DGKD: variants seen among roughly 807,000 people sequenced by gnomAD.
DGKD encodes DAG kinase delta.
Under a neutral mutation model 154.4 loss-of-function variants are expected in DGKD, and 68 were observed. The ratio of observed to expected loss-of-function variants is 0.44; its 90% CI spans 0.36 to 0.54. The LOEUF is 0.54. Among genes scored for constraint, DGKD ranks in the 20% least tolerant of loss-of-function variants. The pLI, the probability that DGKD is intolerant of heterozygous loss-of-function variation, is 0.00. For synonymous variants in DGKD, 693 were observed against 638.0 expected (o/e 1.09, Z -1.30); for missense variants, 1,343 against 1,593.6 (o/e 0.84, Z 2.68).
At chr2:233,371,404 T>C (rs1574989723) in intron 1 of DGKD, among the ~76,000 whole-genome samples, 1 of 152,176 alleles carries the variant, frequency 6.6e-6, no homozygotes, top group African/African-American at 2.4e-5. Flanking sequence ...CTTCTTGTTG[T>C]TGAATTGTAA....
In DGKD at chr2:233,457,422, G is replaced by C; in HGVS notation, c.2580+94G>C. The C allele has an allele frequency of 1.0e-6, 1 of 957,990 alleles. No individual in the cohort carries two copies. The highest frequency in any genetic ancestry group is 1.3e-5 in the South Asian group (1 of 77,000). 59.3% of individuals were successfully genotyped at this position (957,990 alleles called of 1,614,324 possible). On this transcript the variant is annotated intron_variant, in intron 21 of 29. Coordinates refer to ENST00000264057, the MANE Select transcript of DGKD (RefSeq NM_152879.3). The surrounding 1 kb of genome is among the most constrained non-coding windows in gnomAD (Gnocchi z 5.5). ...TTCTGCTGTGGCTGGGGTGGATCCA[G>C]CTCTTCTGTTGTGCCAGCAGTGGGG...
At chr2:233,460,127 A>G (rs1011707589) in intron 23 of DGKD, 67 bp from the exon 24 acceptor site, 66 of 1,581,326 alleles carry the variant, frequency 4.2e-5, no homozygotes, top group African/African-American at 8.1e-5. Flanking sequence ...TGGCATCCCC[A>G]TAGTGTCTGT....
rs1299973207 is a variant in DGKD, at chr2:233,438,779, T to A, written c.1085+400T>A. ...TCATCTATCTATCTATCTATCTATC[T>A]ATCTATCTATCTATCTATCTATCTA... On this transcript the variant is annotated intron_variant, in intron 9 of 29. Coordinates refer to ENST00000264057, the MANE Select transcript of DGKD (RefSeq NM_152879.3). The surrounding 1 kb of genome is among the most constrained non-coding windows in gnomAD (Gnocchi z 4.1). Among the ~76,000 whole-genome samples the A allele has an allele frequency of 8.3e-6, 1 of 119,990 alleles. No individual in the cohort carries two copies. Among genetic ancestry groups the A allele is most frequent in the African/African-American group, 3.4e-5 (1 of 29,048 alleles). The allele number at this position is 119,990 out of a possible 152,430, so 78.7% of individuals were successfully genotyped here.
At chr2:233,431,005 A>C (rs1179568189) in intron 3 of DGKD, among the ~76,000 whole-genome samples, 1 of 152,236 alleles carries the variant, frequency 6.6e-6, no homozygotes, top group Non-Finnish European at 1.5e-5. Context: ...AAAAGAAATA[A>C]AGGGTATCCA....
chr2:233,420,282 G>A (rs2062072705), intron 3 of DGKD, among the ~76,000 whole-genome samples: 1 of 152,066 alleles, frequency 6.6e-6, no homozygotes, highest in African/African-American at 2.4e-5. Flanking sequence ...ACAAATATAG[G>A]GCATGGCTAT....
At chr2:233,394,610 T>C (rs977395640) in intron 3 of DGKD, among the ~76,000 whole-genome samples, 5 of 151,936 alleles carry the variant, frequency 3.3e-5, no homozygotes, top group African/African-American at 1.2e-4. Flanking sequence ...TTGTTCAGAA[T>C]TTACTTGATA....
chr2:233,449,133 C>G lies in DGKD; in HGVS notation c.1645C>G (p.Leu549Val). Residue 549 changes from leucine to valine, a missense_variant, in exon 15 of 30, where the codon CTT becomes GTT. Physicochemically the swap from Leu to Val is conservative, Grantham distance 32 (BLOSUM62 1). Around this residue, in one of 6 missense-constraint regions of DGKD, gnomAD observed 409 missense variants for 446.0 expected, o/e 0.92. Transcript: ENST00000264057. The surrounding 1 kb of genome is among the most constrained non-coding windows in gnomAD (Gnocchi z 5.3). ...CSVLKEKLDS[L>V]LKTLDDESQA... ...TGTCCTGAAAGAGAAGCTGGATTCC[C>G]TTCTCAAGACCTTGGACGATGAGTC... 1 of 1,602,212 alleles carries G rather than the reference C, an allele frequency of 6.2e-7. No homozygotes were observed. Among genetic ancestry groups the G allele is most frequent in the Non-Finnish European group, 8.5e-7 (1 of 1,170,448 alleles).
At chr2:233,357,113 A>G (rs1476437274) in intron 1 of DGKD, among the ~76,000 whole-genome samples, 2 of 152,198 alleles carry the variant, frequency 1.3e-5, no homozygotes, top group Non-Finnish European at 2.9e-5. Context: ...TTCAGACTCC[A>G]GGGACAGCTG....
intron 17 of DGKD, among the ~76,000 whole-genome samples, chr2:233,451,313 G>A (rs559889239): frequency 2.0e-5 from 3 of 152,138 alleles, no homozygotes; most frequent in Non-Finnish European, 4.4e-5. Context: ...TGCTCGAGTC[G>A]GGGTTGGAAG....
At chr2:233,410,707 G>A (rs1238495011) in intron 3 of DGKD, among the ~76,000 whole-genome samples, 1 of 152,104 alleles carries the variant, frequency 6.6e-6, no homozygotes, top group Non-Finnish European at 1.5e-5. Context: ...CATTTTTTGT[G>A]ACTTGAGACA....
chr2:233,469,488 A>C lies in DGKD; in HGVS notation c.*28A>C. The C allele has an allele frequency of 6.4e-7, 1 of 1,559,794 alleles. No homozygotes were observed. Among genetic ancestry groups the C allele is most frequent in the Non-Finnish European group, 8.7e-7 (1 of 1,149,554 alleles). ...TCTGTCCTCTCAGCCTGTGGCCTCC[A>C]CATCCCCGCCGCCGAGGCCTAGCCT... is the stretch of plus-strand genomic sequence containing the variant. On this transcript the variant is annotated 3_prime_UTR_variant, in exon 30 of 30. Coordinates refer to ENST00000264057, the MANE Select transcript of DGKD (RefSeq NM_152879.3).
Position 233,471,337 on chromosome 2 carries a change from T to G in DGKD, c.*1877T>G, listed in dbSNP as rs1305665851. The G allele has an allele frequency of 6.6e-6, 1 of 152,368 alleles. No homozygotes were observed. Among genetic ancestry groups the G allele is most frequent in the African/African-American group, 2.4e-5 (1 of 41,454 alleles). 9.4% of individuals were successfully genotyped at this position (152,368 alleles called of 1,614,324 possible). On this transcript the variant is annotated 3_prime_UTR_variant, in exon 30 of 30. Coordinates refer to ENST00000264057, the MANE Select transcript of DGKD (RefSeq NM_152879.3). ...ACCTCTCATTGTTTTCCCCAGAACA[T>G]TGTAGATGGGGGTTGGCAGAGGGAG... is the stretch of plus-strand genomic sequence containing the variant.
At chr2:233,394,690 CCTTTTTTTTTTTTTT>C (rs571224758) in intron 3 of DGKD, among the ~76,000 whole-genome samples, 2,893 of 83,176 alleles carry the variant, frequency 0.035, 255 homozygotes, top group African/African-American at 0.12. Flanking sequence ...AATTTAATTC[CCTTTTTTTTTTTTTT>C]TTTTTTTTTT....
chr2:233,445,814 C>G lies in DGKD; in HGVS notation c.1334+52C>G, dbSNP rs2063048560. The G allele has an allele frequency of 2.0e-6, 3 of 1,527,162 alleles. No homozygotes were observed. Among genetic ancestry groups the G allele is most frequent in the Non-Finnish European group, 2.6e-6 (3 of 1,134,110 alleles). The allele number at this position is 1,527,162 out of a possible 1,614,324, so 94.6% of individuals were successfully genotyped here. A position where few individuals can be genotyped will look rare whatever the true frequency, so the allele number is the denominator to read the frequency against. On this transcript the variant is annotated intron_variant, in intron 11 of 29. Coordinates refer to ENST00000264057, the MANE Select transcript of DGKD (RefSeq NM_152879.3). The surrounding 1 kb of genome is among the most constrained non-coding windows in gnomAD (Gnocchi z 5.5). ...TATGAGGAGACTTTGAGAGACAGGTCCCTTTGACCAGGTGTTCTTAACCTG... is the reference window on the plus strand; with the variant it reads ...TATGAGGAGACTTTGAGAGACAGGTGCCTTTGACCAGGTGTTCTTAACCTG...
intron 3 of DGKD, among the ~76,000 whole-genome samples, chr2:233,401,863 T>C (rs748412217): frequency 3.8e-5 from 5 of 130,972 alleles, no homozygotes; most frequent in African/African-American, 6.0e-5. Context: ...GAGGTTGCAG[T>C]GAGCTGAGAT....
chr2:233,434,292 C>A, intron 3 of DGKD, 88 bp from the exon 4 acceptor site: 2 of 949,302 alleles, frequency 2.1e-6, no homozygotes, highest in Non-Finnish European at 3.3e-6. Context: ...ATTTTTATGT[C>A]TGTGTGAGGT....
intron 18 of DGKD, among the ~76,000 whole-genome samples, chr2:233,453,313 C>T (rs1432565452): frequency 2.0e-5 from 3 of 152,178 alleles, no homozygotes; most frequent in African/African-American, 7.2e-5. Flanking sequence ...CAGCCACTGC[C>T]GCCCCTCCTG....
At chr2:233,403,138 G>A (rs1258251497) in intron 3 of DGKD, among the ~76,000 whole-genome samples, 2 of 152,194 alleles carry the variant, frequency 1.3e-5, no homozygotes, top group Non-Finnish European at 2.9e-5. Flanking sequence ...GGTGGTAGGA[G>A]TGTCTGTTCA....
At chr2:233,407,810 G>C (rs2061723022) in intron 3 of DGKD, among the ~76,000 whole-genome samples, 1 of 152,086 alleles carries the variant, frequency 6.6e-6, no homozygotes, top group East Asian at 1.9e-4. Flanking sequence ...CATATTTGTT[G>C]GGTGAATGAA....
Sources: gnomAD v4.1 joint callset for allele counts (sites outside exome capture counted in the v4.1 genomes callset) on GRCh38, gnomAD v4.1.1 for gene constraint, gnomAD v4.1.1 regional missense constraint, Gnocchi (gnomAD v3.1) non-coding constraint, MANE v1.5 for transcripts, NCBI Gene and HGNC (gene_info 2026-07-23, HGNC 2026-07-21) for gene names.